Variants in CSMD3 observed in about 807,000 individuals in gnomAD.
CSMD3 encodes CUB and Sushi multiple domains 3.
Under a neutral mutation model 435.2 loss-of-function variants are expected in CSMD3, and 177 were observed. That is an observed-to-expected ratio of 0.41 (90% CI 0.36 to 0.46). CSMD3 has a LOEUF of 0.46. Ranked by LOEUF, CSMD3 falls within the 20% of genes least tolerant of loss-of-function variation. The probability of loss-of-function intolerance (pLI) is 0.34; values close to 1 mark genes in which losing one functional copy is unlikely to be tolerated. For missense variants in CSMD3, 4,265 were observed against 4,504.6 expected (o/e 0.95, Z 1.52); for synonymous variants, 1,656 against 1,520.5 (o/e 1.09, Z -2.07).
At chr8:112,565,727 T>C (rs557688017) in intron 24 of CSMD3, among the ~76,000 whole-genome samples, 2 of 152,226 alleles carry the variant, frequency 1.3e-5, no homozygotes, top group South Asian at 2.1e-4. Flanking sequence ...AGGTCAGCTT[T>C]TGATAAGACA....
At chr8:113,319,438 C>G (rs2132698601) in intron 1 of CSMD3, among the ~76,000 whole-genome samples, 1 of 151,892 alleles carries the variant, frequency 6.6e-6, no homozygotes, top group African/African-American at 2.4e-5. Flanking sequence ...TATAAGAATT[C>G]TTTATAATTC....
intron 3 of CSMD3, among the ~76,000 whole-genome samples, chr8:113,251,543 T>TA (rs61363922): frequency 7.9e-5 from 12 of 151,220 alleles, no homozygotes; most frequent in South Asian, 2.1e-4. Flanking sequence ...TCACTAAAAG[T>TA]AAAAAAAAAA....
chr8:112,735,690 C>T (rs1418604493), intron 13 of CSMD3, among the ~76,000 whole-genome samples: 5 of 151,918 alleles, frequency 3.3e-5, no homozygotes, highest in Admixed American at 2.0e-4. Context: ...CAAAGGGAGG[C>T]CTTGGTCTTT....
chr8:112,417,782 T>C (rs749206397), intron 32 of CSMD3, among the ~76,000 whole-genome samples: 2 of 152,156 alleles, frequency 1.3e-5, no homozygotes, highest in Non-Finnish European at 2.9e-5. Flanking sequence ...TCTACCTTTG[T>C]TTTTGTTTAC....
chr8:113,372,304 G>T (rs10108074), intron 1 of CSMD3, among the ~76,000 whole-genome samples: 97,115 of 152,032 alleles, frequency 0.64, 32,557 homozygotes, highest in Admixed American at 0.75. Flanking sequence ...ATTCTTAATG[G>T]TTACCATATT....
chr8:113,389,362 A>T lies in CSMD3; in HGVS notation c.178+47315T>A, dbSNP rs530697305. On this transcript the variant is annotated intron_variant, in intron 1 of 70. Transcript: ENST00000297405. ...AACAACAAAAACAAAACCACAAAAAACTTGGGCCCTCAGTTTGCTCTCTTT... is the reference window on the plus strand; with the variant it reads ...AACAACAAAAACAAAACCACAAAAATCTTGGGCCCTCAGTTTGCTCTCTTT... Among the ~76,000 whole-genome samples the T allele has an allele frequency of 2.6e-5, 4 of 151,632 alleles. No individual in the cohort carries two copies. In the East Asian group the frequency reaches 7.7e-4, roughly 29 times the overall value.
chr8:112,598,922 G>A (rs1298100320), intron 22 of CSMD3, among the ~76,000 whole-genome samples: 2 of 151,594 alleles, frequency 1.3e-5, no homozygotes, highest in African/African-American at 2.4e-5. Flanking sequence ...AACCCTAGAA[G>A]AAAACCTAGG....
intron 3 of CSMD3, among the ~76,000 whole-genome samples, chr8:113,222,775 G>T (rs1196455733): frequency 2.6e-5 from 4 of 150,980 alleles, no homozygotes; most frequent in African/African-American, 9.7e-5. Flanking sequence ...TAAGAGTTGT[G>T]ATTGTGATTT....
chr8:112,893,288 A>C (rs1447716528), intron 10 of CSMD3, among the ~76,000 whole-genome samples: 1 of 151,472 alleles, frequency 6.6e-6, no homozygotes, highest in African/African-American at 2.4e-5. Flanking sequence ...TGTACAGCAA[A>C]GATTGAGAAT....
At chr8:112,273,707 C>G (rs1817745851) in intron 59 of CSMD3, among the ~76,000 whole-genome samples, 1 of 125,440 alleles carries the variant, frequency 8.0e-6, no homozygotes. Context: ...GCCTGGGTGA[C>G]AGAGTGAGAC....
intron 24 of CSMD3, among the ~76,000 whole-genome samples, chr8:112,571,677 T>C (rs1380154086): frequency 2.0e-5 from 3 of 151,824 alleles, no homozygotes; most frequent in Non-Finnish European, 2.9e-5. Flanking sequence ...AACACCAGAC[T>C]GGCCAACATG....
At chr8:113,364,149 T>C (rs1157880321) in intron 1 of CSMD3, among the ~76,000 whole-genome samples, 1 of 152,184 alleles carries the variant, frequency 6.6e-6, no homozygotes, top group South Asian at 2.1e-4. Context: ...ATAATTGTTC[T>C]GGAGCCATTG....
At chr8:112,878,929 G>A (rs758097343) in intron 10 of CSMD3, among the ~76,000 whole-genome samples, 9 of 152,222 alleles carry the variant, frequency 5.9e-5, no homozygotes, top group South Asian at 2.1e-4. Flanking sequence ...ATCTTCGTAA[G>A]CTGAGGATGT....
chr8:112,690,196 C>CA, intron 13 of CSMD3, 146 bp from the exon 14 acceptor site: 1 of 641,744 alleles, frequency 1.6e-6, no homozygotes, highest in East Asian at 2.7e-5. Context: ...TTTTTTTGGC[C>CA]ATTCTTACAG....
At chr8:112,295,714 G>T (rs553522654) in intron 54 of CSMD3, 119 bp downstream of exon 54, 6 of 871,788 alleles carry the variant, frequency 6.9e-6, no homozygotes, top group Non-Finnish European at 1.1e-5. Flanking sequence ...TTGGATTGTG[G>T]AAATTTACTT....
chr8:113,391,617 C>A (rs147884172), intron 1 of CSMD3, among the ~76,000 whole-genome samples: 1 of 151,836 alleles, frequency 6.6e-6, no homozygotes, highest in Non-Finnish European at 1.5e-5. Context: ...TAAAATACTG[C>A]GTAATGGTCC....
chr8:112,571,884 A>AAAAG lies in CSMD3; in HGVS notation c.4042+1613_4042+1616dup, dbSNP rs771385974. ...AACTCTGTCTCAAATAAAAAAAAAA[A>AAAAG]AAAGAAAGAAAGAAAGAAAGAAAAT... is the stretch of plus-strand genomic sequence containing the variant. On this transcript the variant is annotated intron_variant, in intron 24 of 70. Coordinates refer to ENST00000297405, the MANE Select transcript of CSMD3 (RefSeq NM_198123.2). Among the ~76,000 whole-genome samples the AAAAG allele has an allele frequency of 9.9e-4, 148 of 149,070 alleles. 1 individual carries two copies. The highest frequency in any genetic ancestry group is 6.9e-3 in the East Asian group (35 of 5,064).
chr8:113,199,597 T>C (rs1478890904), intron 3 of CSMD3, among the ~76,000 whole-genome samples: 2 of 151,738 alleles, frequency 1.3e-5, no homozygotes, highest in East Asian at 1.9e-4. Flanking sequence ...ATCTACTCTA[T>C]AGGTTGAAAG....
chr8:112,715,914 G>T (rs1392474904), intron 13 of CSMD3, among the ~76,000 whole-genome samples: 1 of 152,134 alleles, frequency 6.6e-6, no homozygotes, highest in East Asian at 1.9e-4. Context: ...AGATATTCAT[G>T]CAAAATATCT....
Sources: allele counts gnomAD v4.1 joint callset (sites outside exome capture counted in the v4.1 genomes callset), GRCh38; gene constraint gnomAD v4.1.1; transcripts MANE v1.5; gene names NCBI Gene and HGNC (gene_info 2026-07-23, HGNC 2026-07-21).